Variants in VRK2 observed in about 807,000 individuals in gnomAD.
VRK2 encodes the protein serine/threonine-protein kinase VRK2.
A neutral mutation model predicts 57.6 loss-of-function variants in VRK2; 60 were observed. The ratio of observed to expected loss-of-function variants is 1.04; its 90% CI spans 0.85 to 1.29. The LOEUF (loss-of-function observed/expected upper bound fraction) is 1.29, where lower values mean the gene tolerates loss of function less well. Ranked by LOEUF, VRK2 falls within the 50% of genes most tolerant of loss-of-function variation. The pLI is 0.00. For synonymous variants in VRK2, 231 were observed against 199.2 expected, an observed-to-expected ratio of 1.16 and a Z score of -1.35; for missense variants, 705 against 588.1, an observed-to-expected ratio of 1.20 and a Z score of -2.06.
chr2:58,037,925 G>A (rs1674326653), intron 3 of VRK2, among the ~76,000 whole-genome samples: 1 of 152,054 alleles, frequency 6.6e-6, no homozygotes, highest in African/African-American at 2.4e-5. Flanking sequence ...ATCTCATTGG[G>A]AAAATATAAA....
upstream of VRK2, chr2:58,046,762 G>A: frequency 2.0e-6 from 2 of 985,522 alleles, no homozygotes; most frequent in Non-Finnish European, 2.4e-6. Context: ...AGGCTCGAGT[G>A]CTGGGCCCGC....
At chr2:57,965,501 T>C (rs915026047) in intron 1 of VRK2, among the ~76,000 whole-genome samples, 4 of 152,324 alleles carry the variant, frequency 2.6e-5, no homozygotes, top group Middle Eastern at 3.4e-3. Flanking sequence ...GCCTCACTTA[T>C]TACCATCAGT....
intron 1 of VRK2, 88 bp downstream of exon 1, chr2:58,046,956 C>T (rs1346674624): frequency 8.1e-6 from 8 of 985,366 alleles, no homozygotes; most frequent in African/African-American, 1.7e-5. Context: ...AAAGGGCTGC[C>T]GTCGGAGTTA....
chr2:58,069,755 A>G (rs968653), intron 2 of VRK2, among the ~76,000 whole-genome samples: 110,621 of 151,918 alleles, frequency 0.73, 41,433 homozygotes, highest in African/African-American at 0.92. Flanking sequence ...AAGAATAATG[A>G]CATTTTCTGC....
At chr2:58,051,104 C>T (rs994042616) in intron 2 of VRK2, among the ~76,000 whole-genome samples, 5 of 152,170 alleles carry the variant, frequency 3.3e-5, no homozygotes, top group African/African-American at 9.7e-5. Flanking sequence ...CTCGGCCTCC[C>T]GAAGTGTTGG....
intron 7 of VRK2, among the ~76,000 whole-genome samples, chr2:58,111,956 C>T (rs1336067095): frequency 6.6e-6 from 1 of 151,974 alleles, no homozygotes; most frequent in Non-Finnish European, 1.5e-5. Flanking sequence ...TTTTTCTTTC[C>T]CTTTACAATT....
At chr2:58,052,630 G>A (rs1395299308) in intron 2 of VRK2, among the ~76,000 whole-genome samples, 1 of 150,996 alleles carries the variant, frequency 6.6e-6, no homozygotes, top group Non-Finnish European at 1.5e-5. Flanking sequence ...TGCTGCCATA[G>A]TGGATTAAGA....
chr2:58,094,781 C>T (rs1672887584), intron 7 of VRK2, among the ~76,000 whole-genome samples: 2 of 151,922 alleles, frequency 1.3e-5, no homozygotes, highest in Admixed American at 6.6e-5. Context: ...ACTCAGTTTC[C>T]TCATGTACTT....
chr2:57,914,048 C>T (rs1670072465), intron 1 of VRK2, among the ~76,000 whole-genome samples: 1 of 151,910 alleles, frequency 6.6e-6, no homozygotes, highest in African/African-American at 2.4e-5. Context: ...GTCAACTTTT[C>T]AAACAAAAAA....
intron 12 of VRK2, among the ~76,000 whole-genome samples, chr2:58,156,070 G>A (rs1482778649): frequency 6.6e-6 from 1 of 151,956 alleles, no homozygotes; most frequent in Non-Finnish European, 1.5e-5. Flanking sequence ...GTTTTGATAG[G>A]TGCTTTTTGT....
chr2:58,048,867 T>C lies in VRK2; in HGVS notation c.36T>C (p.Pro12=). ...PPKRNEKYKL[P]IPFPEGKVLD... is the part of the protein sequence containing the mutation. Reference sequence around the variant, plus strand: ...AAAGAAATGAAAAATACAAACTTCCTATTCCATTTCCAGAAGGCAAGGTTC... The same window carrying C: ...AAAGAAATGAAAAATACAAACTTCCCATTCCATTTCCAGAAGGCAAGGTTC... The change falls in exon 2 of 13, where the codon CCT becomes CCC. Residue 12 remains proline (P), a synonymous_variant. Coordinates refer to ENST00000340157, the MANE Select transcript of VRK2 (RefSeq NM_006296.7). 1 of 1,614,004 alleles carries C rather than the reference T, an allele frequency of 6.2e-7. No individual in the cohort carries two copies. The highest frequency in any genetic ancestry group is 1.1e-5 in the South Asian group (1 of 91,074).
At position 58,097,958 on chromosome 2, in the gene VRK2, T is replaced by G. The variant is rs558054403; in HGVS notation, c.543+8235T>G. On this transcript the variant is annotated intron_variant, in intron 7 of 12. Transcript: ENST00000340157. ...CCCTTCAGAAGGTATTCCAGAAGAT[T>G]GTTTGTTATCATCGGAGAGGACAGC... 3.3e-3 allele frequency among the ~76,000 whole-genome samples: 504 copies of G among 152,154 alleles called. 8 individuals are homozygous for G. The highest frequency in any genetic ancestry group is 0.012 in the African/African-American group (479 of 41,530).
intron 1 of VRK2, among the ~76,000 whole-genome samples, chr2:57,985,627 T>A (rs1672571365): frequency 6.6e-6 from 1 of 152,068 alleles, no homozygotes; most frequent in South Asian, 2.1e-4. Context: ...GAATGATTTT[T>A]CCCTAAGATC....
rs1006401051 is a variant in VRK2 at position 58,146,333 on chromosome 2, T to C, written c.1041T>C (p.Ala347=). The C allele has an allele frequency of 1.2e-6, 2 of 1,610,006 alleles. No homozygotes were observed. The highest frequency in any genetic ancestry group is 8.5e-7 in the Non-Finnish European group (1 of 1,177,492). The part of the protein sequence containing the change: ...PNSQKVDSQK[A]ATKQVNKAHN... The stretch of plus-strand genomic sequence containing the variant: ...ACCAACAGGTTGATTCACAAAAGGC[T>C]GCAACAAAGCAAGTCAACAAGGCAC... Residue 347 remains alanine (A), a synonymous_variant, in exon 12 of 13, where the codon GCT becomes GCC. Coordinates refer to ENST00000340157, the MANE Select transcript of VRK2 (RefSeq NM_006296.7).
At chr2:58,055,459 A>C (rs1456168584) in intron 2 of VRK2, among the ~76,000 whole-genome samples, 1 of 152,248 alleles carries the variant, frequency 6.6e-6, no homozygotes, top group Non-Finnish European at 1.5e-5. Context: ...TGTGTCAGGC[A>C]AAATCCTGTC....
chr2:58,043,641 C>T (rs187202806), upstream of VRK2, among the ~76,000 whole-genome samples: 1 of 152,194 alleles, frequency 6.6e-6, no homozygotes, highest in East Asian at 1.9e-4. Context: ...ATTCATTCAC[C>T]AGTTGATGGA....
Position 58,120,225 on chromosome 2 carries a change from C to G in VRK2, c.544-2876C>G, listed in dbSNP as rs572524669. Reference sequence around the variant, plus strand: ...TTTTTTTTTGAGACAGAGTCTTGCTCTGTTGCCCAGGCTGGAGTGCAGTGG... The same window carrying G: ...TTTTTTTTTGAGACAGAGTCTTGCTGTGTTGCCCAGGCTGGAGTGCAGTGG... On this transcript the variant is annotated intron_variant, in intron 7 of 12. Transcript: ENST00000340157. 6.6e-5 allele frequency among the ~76,000 whole-genome samples: 5 copies of G among 75,766 alleles called. No homozygotes were observed. The East Asian group carries it at 1.7e-3, about 25-fold the overall frequency. The allele number at this position is 75,766 out of a possible 152,430, so 49.7% of individuals were successfully genotyped here. A position where few individuals can be genotyped will look rare whatever the true frequency, so the allele number is the denominator to read the frequency against.
rs766972076 is a variant in VRK2, at chr2:58,131,887, G to C, written c.756G>C (p.Gln252His). Residue 252 changes from glutamine to histidine, a missense_variant, in exon 9 of 13, where the codon CAG (glutamine) becomes CAC (histidine). By Grantham distance (24) the Gln-to-His change is conservative. Coordinates refer to ENST00000340157, the MANE Select transcript of VRK2 (RefSeq NM_006296.7). ...TGTGTGGGAAACTTCCCTGGGAACA[G>C]AACCTGAAGGACCCTGTGGCTGTGC... Reference protein sequence around the residue: ...RWLCGKLPWEQNLKDPVAVQT... With the variant: ...RWLCGKLPWEHNLKDPVAVQT... The C allele has an allele frequency of 6.2e-7, 1 of 1,613,966 alleles. No homozygotes were observed.
At chr2:57,984,364 T>C (rs1672528747) in intron 1 of VRK2, among the ~76,000 whole-genome samples, 1 of 152,042 alleles carries the variant, frequency 6.6e-6, no homozygotes, top group Non-Finnish European at 1.5e-5. Flanking sequence ...CTTAGCAAAG[T>C]GTTTTAAGTA....
Sources: allele counts gnomAD v4.1 joint callset (sites outside exome capture counted in the v4.1 genomes callset), GRCh38; gene constraint gnomAD v4.1.1; transcripts MANE v1.5; gene names NCBI Gene and HGNC (gene_info 2026-07-23, HGNC 2026-07-21).